Variants in KIF20B observed in about 807,000 individuals in gnomAD.
KIF20B encodes kinesin-like protein KIF20B.
Under a neutral mutation model 232.5 loss-of-function variants are expected in KIF20B, and 188 were observed. The observed-to-expected ratio is 0.81, with a 90% confidence interval of 0.72 to 0.91. The LOEUF (loss-of-function observed/expected upper bound fraction) is 0.91, where lower values mean the gene tolerates loss of function less well. Among genes scored for constraint, KIF20B ranks in the 40% least tolerant of loss-of-function variants. The pLI is 0.00. For synonymous variants in KIF20B, 712 were observed against 683.0 expected, an observed-to-expected ratio of 1.04 and a Z score of -0.66; for missense variants, 2,154 against 2,055.9, an observed-to-expected ratio of 1.05 and a Z score of -0.92.
intron 13 of KIF20B, among the ~76,000 whole-genome samples, chr10:89,722,371 A>G (rs1325303278): frequency 6.6e-6 from 1 of 152,172 alleles, no homozygotes; most frequent in Non-Finnish European, 1.5e-5. Context: ...CTAATTATTG[A>G]AAACTATTAA....
Position 89,743,876 on chromosome 10 carries a change from C to T in KIF20B, c.3984C>T (p.Asn1328=), listed in dbSNP as rs751875487. Residue 1328 remains asparagine (N), a synonymous_variant, in exon 22 of 33, where the codon AAC becomes AAT. Transcript: ENST00000371728. ...IKINELEKKK[N]QCSQELDMKQ... ...TTAATGAACTGGAGAAAAAGAAAAA[C>T]CAGTGTTCTCAGGAATTAGATATGA... 4.2e-5 allele frequency: 67 copies of T among 1,589,794 alleles called. No individual in the cohort carries two copies. The highest frequency in any genetic ancestry group is 3.8e-5 in the Non-Finnish European group (45 of 1,168,968).
At chr10:89,771,172 T>G (rs1307629776) in intron 31 of KIF20B, among the ~76,000 whole-genome samples, 1 of 152,034 alleles carries the variant, frequency 6.6e-6, no homozygotes, top group African/African-American at 2.4e-5. Context: ...GACACCTTCC[T>G]TCATCACCCT....
chr10:89,707,173 T>C (rs1842740570), intron 2 of KIF20B, among the ~76,000 whole-genome samples: 1 of 152,214 alleles, frequency 6.6e-6, no homozygotes, highest in Admixed American at 6.5e-5. Context: ...TATTTTTAGT[T>C]GCTTTATTTA....
chr10:89,738,125 A>G lies in KIF20B; in HGVS notation c.3284A>G (p.Tyr1095Cys), dbSNP rs142890695. The G allele has an allele frequency of 8.1e-6, 13 of 1,605,830 alleles. No homozygotes were observed. In the African/African-American group the frequency reaches 9.7e-5, roughly 12 times the overall value. ...IEKLQAEVKG[Y>C]KDENNRLKEK... is the part of the protein sequence containing the mutation. ...AAATTGCAGGCAGAAGTAAAAGGCTATAAGGATGAAAACAATAGACTAAAG... is the reference window on the plus strand; with the variant it reads ...AAATTGCAGGCAGAAGTAAAAGGCTGTAAGGATGAAAACAATAGACTAAAG... Residue 1095 changes from tyrosine to cysteine, a missense_variant, in exon 20 of 33, where the codon TAT (tyrosine) becomes TGT (cysteine). Coordinates refer to ENST00000371728, the MANE Select transcript of KIF20B (RefSeq NM_001284259.2).
intron 21 of KIF20B, among the ~76,000 whole-genome samples, chr10:89,741,856 A>G (rs546489007): frequency 3.9e-5 from 6 of 152,288 alleles, no homozygotes; most frequent in Admixed American, 2.0e-4. Context: ...AGTGCTACCT[A>G]TTAATCACTT....
intron 19 of KIF20B, among the ~76,000 whole-genome samples, chr10:89,735,215 G>T (rs2133123060): frequency 6.6e-6 from 1 of 152,166 alleles, no homozygotes; most frequent in South Asian, 2.1e-4. Context: ...AATTATTATT[G>T]CAAAAATCAC....
intron 9 of KIF20B, 29 bp downstream of exon 9, chr10:89,716,576 T>C: frequency 9.7e-7 from 1 of 1,026,830 alleles, no homozygotes; most frequent in Non-Finnish European, 1.5e-6. Flanking sequence ...AAGAGTAAAC[T>C]CGAATCACCG....
Position 89,726,328 on chromosome 10 carries a change from T to G in KIF20B, c.2037T>G (p.Ile679Met). 6.5e-7 allele frequency: 1 copy of G among 1,550,292 alleles called. No homozygotes were observed. The highest frequency in any genetic ancestry group is 1.2e-5 in the South Asian group (1 of 83,482). Reference protein sequence around the residue: ...THNYVGFEDIIDSLQDNVADI... With the variant: ...THNYVGFEDIMDSLQDNVADI... The stretch of plus-strand genomic sequence containing the variant: ...ATTATGTAGGATTTGAAGATATTAT[T>G]GATTCTCTTCAAGATAATGTTGCTG... The change falls in exon 16 of 33, where the codon ATT becomes ATG. Residue 679 changes from isoleucine (I) to methionine (M), a missense_variant. Coordinates refer to ENST00000371728, the MANE Select transcript of KIF20B (RefSeq NM_001284259.2).
intron 28 of KIF20B, among the ~76,000 whole-genome samples, chr10:89,761,753 A>C (rs1212064187): frequency 6.6e-6 from 1 of 152,234 alleles, no homozygotes; most frequent in African/African-American, 2.4e-5. Context: ...AAAAGTTTGA[A>C]GTTTATCCAT....
At chr10:89,727,957 GATGACTAGATTTGTTTATTTT>G in intron 17 of KIF20B, 61 bp downstream of exon 17, 1 of 1,382,404 alleles carries the variant, frequency 7.2e-7, no homozygotes, top group African/African-American at 1.5e-5. Context: ...GGGTATGAAT[GATGACTAGATTTGTTTATTTT>G]AAAAAATAAT....
chr10:89,724,778 A>G (rs113394547), intron 14 of KIF20B, among the ~76,000 whole-genome samples: 10,502 of 151,790 alleles, frequency 0.069, 497 homozygotes, highest in Non-Finnish European at 0.1. Context: ...CACCACGCCC[A>G]GCTAATTTTT....
chr10:89,764,459 G>GA (rs1389773290), intron 29 of KIF20B, among the ~76,000 whole-genome samples: 2 of 152,054 alleles, frequency 1.3e-5, no homozygotes, highest in Admixed American at 6.6e-5. Context: ...CTAGATCCCT[G>GA]GGAATCGCCA....
At chr10:89,712,895 A>G (rs1417214475) in intron 6 of KIF20B, among the ~76,000 whole-genome samples, 1 of 152,140 alleles carries the variant, frequency 6.6e-6, no homozygotes, top group Non-Finnish European at 1.5e-5. Flanking sequence ...CTTTTTTAAA[A>G]CATTTAGAAA....
At chr10:89,744,930 T>A (rs192599806) in intron 22 of KIF20B, among the ~76,000 whole-genome samples, 348 of 152,304 alleles carry the variant, frequency 2.3e-3, no homozygotes, top group African/African-American at 7.8e-3. Context: ...GAAGTTTGGA[T>A]TACATGATAA....
At chr10:89,748,883 C>G (rs190733120) in intron 23 of KIF20B, among the ~76,000 whole-genome samples, 49 of 152,226 alleles carry the variant, frequency 3.2e-4, no homozygotes, top group African/African-American at 1.1e-3. Flanking sequence ...TTCTATGCTT[C>G]TAAGTCACTT....
intron 9 of KIF20B, among the ~76,000 whole-genome samples, chr10:89,717,035 A>G (rs59230990): frequency 0.013 from 2,053 of 152,278 alleles, 41 homozygotes; most frequent in African/African-American, 0.047. Flanking sequence ...TGGGCATGGG[A>G]CAATACAAGA....
At chr10:89,708,581 C>T (rs1341715618) in intron 2 of KIF20B, among the ~76,000 whole-genome samples, 4 of 151,330 alleles carry the variant, frequency 2.6e-5, no homozygotes, top group African/African-American at 9.7e-5. Context: ...TTTTTTGTGG[C>T]ATTATTTTGT....
chr10:89,707,046 A>G (rs1002223072), intron 2 of KIF20B, among the ~76,000 whole-genome samples: 7 of 152,040 alleles, frequency 4.6e-5, no homozygotes, highest in Middle Eastern at 3.2e-3. Flanking sequence ...AGTATTCTTC[A>G]TTTTATTTAG....
chr10:89,759,104 ATC>A (rs1323986363), intron 27 of KIF20B, among the ~76,000 whole-genome samples: 1 of 152,026 alleles, frequency 6.6e-6, no homozygotes, highest in Non-Finnish European at 1.5e-5. Flanking sequence ...TTTTGGTTAT[ATC>A]TCTCAGTAAT....
Sources: gnomAD v4.1 joint callset for allele counts (sites outside exome capture counted in the v4.1 genomes callset) on GRCh38, gnomAD v4.1.1 for gene constraint, MANE v1.5 for transcripts, NCBI Gene and HGNC (gene_info 2026-07-23, HGNC 2026-07-21) for gene names.